The following ATP6V1E1 variants were observed in gnomAD, a reference collection of about 807,000 sequenced individuals.
The protein encoded by ATP6V1E1 is ATPase H+ transporting V1 subunit E1.
A neutral mutation model predicts 35.2 loss-of-function variants in ATP6V1E1; 21 were observed. The observed-to-expected ratio is 0.60, with a 90% CI of 0.42 to 0.86. The LOEUF (loss-of-function observed/expected upper bound fraction) is 0.86. Among genes scored for constraint, ATP6V1E1 ranks in the 40% least tolerant of loss-of-function variants. The probability of loss-of-function intolerance (pLI) is 0.00; values close to 1 mark genes in which losing one functional copy is unlikely to be tolerated. For missense variants in ATP6V1E1, 183 were observed against 272.6 expected (o/e 0.67, Z 2.32); for synonymous variants, 83 against 87.8 (o/e 0.95, Z 0.30).
In ATP6V1E1 at chr22:17,598,184, T is replaced by A; in HGVS notation, c.530+10A>T. On this transcript the variant is annotated intron_variant, in intron 7 of 8. Coordinates refer to ENST00000253413, the MANE Select transcript of ATP6V1E1 (RefSeq NM_001696.4). ...AGAAGGTAGCTGTTAGCAGCAGGAA[T>A]ACTCCTTACATGTCTTCAGGCAGGT... is the stretch of plus-strand genomic sequence containing the variant. The A allele has an allele frequency of 6.2e-7, 1 of 1,601,974 alleles. No homozygotes were observed. The highest frequency in any genetic ancestry group is 8.5e-7 in the Non-Finnish European group (1 of 1,169,772).
intron 1 of ATP6V1E1, among the ~76,000 whole-genome samples, chr22:17,621,838 G>T (rs1213820030): frequency 6.6e-6 from 1 of 152,064 alleles, no homozygotes; most frequent in Non-Finnish European, 1.5e-5. Context: ...AGAGTACTTT[G>T]TACTTCCTCT....
intron 2 of ATP6V1E1, chr22:17,619,158 G>A (rs951073268): frequency 4.4e-6 from 2 of 455,056 alleles, no homozygotes; most frequent in Non-Finnish European, 4.2e-6. Flanking sequence ...TGGGTTTGGT[G>A]GCACATGCCT....
intron 7 of ATP6V1E1, among the ~76,000 whole-genome samples, chr22:17,597,284 TAGTC>T (rs1056354147): frequency 2.0e-5 from 3 of 151,166 alleles, no homozygotes; most frequent in Admixed American, 6.6e-5. Context: ...TCTTCAATGT[TAGTC>T]AGTAGTGTGG....
At chr22:17,619,568 G>A (rs2057864616) in intron 1 of ATP6V1E1, 42 bp from the exon 2 acceptor site, 2 of 1,446,216 alleles carry the variant, frequency 1.4e-6, no homozygotes, top group Admixed American at 4.3e-5. Flanking sequence ...CAAAAATATG[G>A]AAATATCTTT....
intron 4 of ATP6V1E1, among the ~76,000 whole-genome samples, chr22:17,611,915 T>C (rs1386893497): frequency 6.6e-6 from 1 of 152,232 alleles, no homozygotes; most frequent in East Asian, 1.9e-4. Flanking sequence ...TTTTTAGTTT[T>C]ATAGCTGTTT....
rs114815673 is a variant in ATP6V1E1 at position 17,620,508 on chromosome 22, T to A, written c.34-982A>T. On this transcript the variant is annotated intron_variant, in intron 1 of 8. Transcript: ENST00000253413. ...TCCGTGACTTCCTCCTGTTCTCCTT[T>A]CCAGTCTCCTTTGGGGCCATACTCT... is the stretch of plus-strand genomic sequence containing the variant. Among the ~76,000 whole-genome samples, 1,516 of 152,036 alleles carry A rather than the reference T, an allele frequency of 1.0e-2. 20 individuals carry two copies. The highest frequency in any genetic ancestry group is 0.034 in the African/African-American group (1,417 of 41,472).
At chr22:17,603,826 C>T (rs1221114674) in intron 4 of ATP6V1E1, among the ~76,000 whole-genome samples, 1 of 152,208 alleles carries the variant, frequency 6.6e-6, no homozygotes, top group African/African-American at 2.4e-5. Context: ...CTCTTAGCTC[C>T]TCCCCACCAA....
At chr22:17,597,975 C>G in intron 7 of ATP6V1E1, 1 of 518,890 alleles carries the variant, frequency 1.9e-6, no homozygotes. Context: ...CCGCACCTGG[C>G]CAAACTAGAC....
intron 1 of ATP6V1E1, among the ~76,000 whole-genome samples, chr22:17,621,966 A>G (rs538588267): frequency 6.6e-6 from 1 of 152,336 alleles, no homozygotes; most frequent in East Asian, 1.9e-4. Context: ...AATAAAGTCC[A>G]ATGAAGGCTT....
At chr22:17,602,809 C>T (rs2057768258) in intron 4 of ATP6V1E1, among the ~76,000 whole-genome samples, 1 of 152,134 alleles carries the variant, frequency 6.6e-6, no homozygotes, top group Non-Finnish European at 1.5e-5. Flanking sequence ...CATACTCTGT[C>T]CCTAAAACAA....
chr22:17,603,903 G>C (rs911861314), intron 4 of ATP6V1E1, among the ~76,000 whole-genome samples: 1 of 152,100 alleles, frequency 6.6e-6, no homozygotes, highest in Non-Finnish European at 1.5e-5. Context: ...ACACAGACAG[G>C]GATAGACAGC....
intron 1 of ATP6V1E1, among the ~76,000 whole-genome samples, chr22:17,628,281 A>G (rs2057933080): frequency 6.6e-6 from 1 of 152,212 alleles, no homozygotes; most frequent in Admixed American, 6.5e-5. Context: ...GCTGTTTTCA[A>G]TCCTTGCACA....
intron 1 of ATP6V1E1, among the ~76,000 whole-genome samples, chr22:17,622,898 G>A (rs146299909): frequency 7.5e-4 from 114 of 152,182 alleles, no homozygotes; most frequent in East Asian, 1.5e-3. Context: ...ACCTGGAGGC[G>A]GAGGTTGTGG....
At position 17,625,458 on chromosome 22, in the gene ATP6V1E1, T is replaced by C. The variant is rs2057899146; in HGVS notation, c.33+3145A>G. 2.4e-5 allele frequency among the ~76,000 whole-genome samples: 3 copies of C among 126,770 alleles called. No homozygotes were observed. In the South Asian group the frequency reaches 6.8e-4, roughly 29 times the overall value. 83.2% of individuals were successfully genotyped at this position (126,770 alleles called of 152,430 possible). ...TTTTAGTAGAGACAGGGTTTCTCCATGTTGGTCAGGCTGGTCTCAAACTCC... is the reference window on the plus strand; with the variant it reads ...TTTTAGTAGAGACAGGGTTTCTCCACGTTGGTCAGGCTGGTCTCAAACTCC... On this transcript the variant is annotated intron_variant, in intron 1 of 8. Coordinates refer to ENST00000253413, the MANE Select transcript of ATP6V1E1 (RefSeq NM_001696.4).
intron 4 of ATP6V1E1, among the ~76,000 whole-genome samples, chr22:17,606,796 G>A (rs538652946): frequency 6.6e-6 from 1 of 152,152 alleles, no homozygotes; most frequent in Non-Finnish European, 1.5e-5. Context: ...ACGACATCTT[G>A]ACTGCCAAAT....
intron 7 of ATP6V1E1, 102 bp from the exon 8 acceptor site, chr22:17,594,718 G>T: frequency 1.0e-6 from 1 of 955,524 alleles, no homozygotes; most frequent in Non-Finnish European, 1.5e-6. Flanking sequence ...TTGGTGTGTA[G>T]ACTGCGCAAC....
rs737995 is a variant in ATP6V1E1, at chr22:17,619,627, C to T, written c.34-101G>A. 89,107 of 989,398 alleles carry T rather than the reference C, an allele frequency of 0.09. 4,509 individuals carry two copies. The highest frequency in any genetic ancestry group is 0.16 in the African/African-American group (9,738 of 60,602). The allele number at this position is 989,398 out of a possible 1,614,324, so 61.3% of individuals were successfully genotyped here. ...ATAGGTAGGTGCAGTGGCTCACGCCCGTAATCCTACCACTCTGGGGGGCCA... is the reference window on the plus strand; with the variant it reads ...ATAGGTAGGTGCAGTGGCTCACGCCTGTAATCCTACCACTCTGGGGGGCCA... On this transcript the variant is annotated intron_variant, in intron 1 of 8. Transcript: ENST00000253413.
chr22:17,626,325 A>AAAAAAAAAG (rs1555864859), intron 1 of ATP6V1E1, among the ~76,000 whole-genome samples: 185 of 122,884 alleles, frequency 1.5e-3, no homozygotes, highest in African/African-American at 4.1e-3. Flanking sequence ...AAAAAAAAAA[A>AAAAAAAAAG]AAAGAAAGAA....
At chr22:17,618,657 G>A (rs543590455) in intron 2 of ATP6V1E1, among the ~76,000 whole-genome samples, 3 of 148,568 alleles carry the variant, frequency 2.0e-5, no homozygotes, top group African/African-American at 7.4e-5. Context: ...ACTCCAGCCT[G>A]GGCGACAGAG....
Sources: allele counts gnomAD v4.1 joint callset (sites outside exome capture counted in the v4.1 genomes callset), GRCh38; gene constraint gnomAD v4.1.1; transcripts MANE v1.5; gene names NCBI Gene and HGNC (gene_info 2026-07-23, HGNC 2026-07-21).